SATB1: variants seen among roughly 807,000 people sequenced by gnomAD.
The protein encoded by SATB1 is DNA-binding protein SATB1.
Under a neutral mutation model 86.9 loss-of-function variants are expected in SATB1, and 11 were observed. The observed-to-expected ratio is 0.13, with a 90% confidence interval of 0.08 to 0.21. The LOEUF is 0.21. SATB1 is among the 10% of genes least tolerant of loss of function. The pLI is 1.00. For missense variants in SATB1, 551 were observed against 937.6 expected (o/e 0.59, Z 5.39); for synonymous variants, 357 against 357.2 (o/e 1.00, Z 0.01).
chr3:18,414,399 T>C (rs911113409), intron 5 of SATB1, among the ~76,000 whole-genome samples: 2 of 152,066 alleles, frequency 1.3e-5, no homozygotes, highest in Non-Finnish European at 2.9e-5. Flanking sequence ...TCTAGAGTTT[T>C]AGCTGCCCTC....
upstream of SATB1, among the ~76,000 whole-genome samples, chr3:18,440,174 G>C (rs1699199273): frequency 6.6e-6 from 1 of 152,178 alleles, no homozygotes; most frequent in African/African-American, 2.4e-5. Flanking sequence ...ATTTGAATGT[G>C]TTTGAACATA....
chr3:18,399,594 T>C (rs1015085056), intron 5 of SATB1, among the ~76,000 whole-genome samples: 8 of 152,168 alleles, frequency 5.3e-5, no homozygotes, highest in African/African-American at 1.7e-4. Flanking sequence ...ATGTGCATCA[T>C]TGTCAAAGCT....
At chr3:18,443,251 G>A (rs775554281), upstream of SATB1, among the ~76,000 whole-genome samples, 48 of 152,236 alleles carry the variant, frequency 3.2e-4, no homozygotes, top group Non-Finnish European at 4.4e-5. This position sits in a 1 kb window ranked among gnomAD's most constrained non-coding sequence, Gnocchi z 4.4. Flanking sequence ...TACCCTACCC[G>A]CCACCCCCTT....
intron 5 of SATB1, among the ~76,000 whole-genome samples, chr3:18,411,271 T>G (rs1463749386): frequency 6.6e-6 from 1 of 152,126 alleles, no homozygotes; most frequent in East Asian, 1.9e-4. Flanking sequence ...TGTGTGTGTG[T>G]GCACGTGTGC....
In SATB1 at chr3:18,347,192, G is replaced by C. The variant is rs1038535765; in HGVS notation, c.*1978C>G. On this transcript the variant is annotated 3_prime_UTR_variant, in exon 11 of 11. Transcript: ENST00000338745. ...CCTGAGAAGATGGTAGGCAGAAAGA[G>C]AAGGGGCAATTGCAAAATGGTATCT... 6.6e-6 allele frequency: 1 copy of C among 152,116 alleles called. No homozygotes were observed. The highest frequency in any genetic ancestry group is 1.5e-5 in the Non-Finnish European group (1 of 68,022). The allele number at this position is 152,116 out of a possible 1,614,324, so 9.4% of individuals were successfully genotyped here.
chr3:18,409,450 C>A (rs1260811439), intron 5 of SATB1: 1 of 151,992 alleles, frequency 6.6e-6, no homozygotes, highest in Admixed American at 6.6e-5. Flanking sequence ...GAAAAAGGAA[C>A]TAGAATGATG....
Position 18,425,216 on chromosome 3 carries a change from AC to A in SATB1, c.-1615del, listed in dbSNP as rs904901223. The A allele has an allele frequency of 6.4e-6, 1 of 156,128 alleles. No individual in the cohort carries two copies. Among genetic ancestry groups the A allele is most frequent in the African/African-American group, 2.5e-5 (1 of 40,460 alleles). 9.7% of individuals were successfully genotyped at this position (156,128 alleles called of 1,614,324 possible). ...CTCCTCCTCATTTTAATACAAAATC[AC>A]CCCGCTCGCAGCCCCAGCCCCGAGC... On this transcript the variant is annotated 5_prime_UTR_variant, in exon 1 of 11. The change abolishes the stop of an existing upstream ORF in the 5' untranslated region. Coordinates refer to ENST00000338745, the MANE Select transcript of SATB1 (RefSeq NM_002971.6).
chr3:18,432,550 C>T (rs1194059130), intron 2 of SATB1, among the ~76,000 whole-genome samples: 1 of 152,108 alleles, frequency 6.6e-6, no homozygotes, highest in Non-Finnish European at 1.5e-5. Flanking sequence ...AGGAAAGCCA[C>T]CATCAGAAAC....
Position 18,346,809 on chromosome 3 carries a change from A to C in SATB1, c.*2361T>G, listed in dbSNP as rs539950135. On this transcript the variant is annotated 3_prime_UTR_variant, in exon 11 of 11. Transcript: ENST00000338745. ...GTTATTTGCAACCCAAACTTAGGGG[A>C]TATAAGGAAGAGGAAGATAACTTCA... The C allele has an allele frequency of 8.5e-5, 13 of 152,288 alleles. No homozygotes were observed. The highest frequency in any genetic ancestry group is 2.6e-4 in the African/African-American group (11 of 41,572). The allele number at this position is 152,288 out of a possible 1,614,324, so 9.4% of individuals were successfully genotyped here.
Position 18,356,528 on chromosome 3 carries a change from T to A in SATB1, c.1576-4333A>T, listed in dbSNP as rs149914012. Among the ~76,000 whole-genome samples the A allele has an allele frequency of 7.7e-4, 117 of 151,798 alleles. 2 individuals carry two copies. In the Middle Eastern group the frequency reaches 0.038, roughly 49 times the overall value. On this transcript the variant is annotated intron_variant, in intron 9 of 10. Coordinates refer to ENST00000338745, the MANE Select transcript of SATB1 (RefSeq NM_002971.6). ...CACAATGGCAATTTATTATGGTCCA[T>A]GAAACACATGACTGTATGCTCATTT...
chr3:18,416,686 A>G (rs1264908678), intron 3 of SATB1, among the ~76,000 whole-genome samples: 1 of 152,090 alleles, frequency 6.6e-6, no homozygotes, highest in Admixed American at 6.6e-5. Context: ...CAGCTGAAGT[A>G]ATTTAAAAAA....
At chr3:18,356,819 T>A (rs2125136973) in intron 9 of SATB1, among the ~76,000 whole-genome samples, 1 of 151,948 alleles carries the variant, frequency 6.6e-6, no homozygotes, top group East Asian at 1.9e-4. Context: ...ATAAATGAAT[T>A]TATTGTACTT....
intron 1 of SATB1, among the ~76,000 whole-genome samples, chr3:18,422,658 G>A (rs150100328): frequency 3.3e-5 from 5 of 152,266 alleles, no homozygotes; most frequent in African/African-American, 4.8e-5. Flanking sequence ...TCTTTATAAC[G>A]TTTCATGTGG....
chr3:18,437,303 T>G (rs1486557787), intron 1 of SATB1, among the ~76,000 whole-genome samples: 2 of 151,696 alleles, frequency 1.3e-5, no homozygotes. Flanking sequence ...CTAATGACAC[T>G]GGAAAGAAAA....
chr3:18,393,739 G>A (rs369566258), intron 7 of SATB1, among the ~76,000 whole-genome samples: 10 of 152,238 alleles, frequency 6.6e-5, no homozygotes, highest in African/African-American at 2.4e-4. Context: ...TTCATTTATA[G>A]TCTATGGCTG....
chr3:18,375,552 T>C (rs1695700403), intron 9 of SATB1, among the ~76,000 whole-genome samples: 1 of 152,142 alleles, frequency 6.6e-6, no homozygotes, highest in Admixed American at 6.5e-5. Context: ...AAATATCTAT[T>C]TTAGAAGTGC....
upstream of SATB1, among the ~76,000 whole-genome samples, chr3:18,439,326 A>G (rs1699171190): frequency 6.6e-6 from 1 of 152,256 alleles, no homozygotes; most frequent in Non-Finnish European, 1.5e-5. Context: ...ACTTGAAAGC[A>G]TAAAAATAGG....
At chr3:18,426,139 A>G (rs1195747698), upstream of SATB1, among the ~76,000 whole-genome samples, 1 of 152,170 alleles carries the variant, frequency 6.6e-6, no homozygotes. The surrounding 1 kb of genome is among the most constrained non-coding windows in gnomAD (Gnocchi z 4.2). Context: ...AGAAACGTGT[A>G]CAGCAATAAA....
At position 18,394,410 on chromosome 3, in the gene SATB1, A is replaced by C; in HGVS notation, c.1206+52T>G. The C allele has an allele frequency of 1.3e-6, 2 of 1,488,658 alleles. No homozygotes were observed. Among genetic ancestry groups the C allele is most frequent in the East Asian group, 2.3e-5 (1 of 44,028 alleles). 92.2% of individuals were successfully genotyped at this position (1,488,658 alleles called of 1,614,324 possible). ...TAAACTTTAGTTATAGATGGGACTA[A>C]AGAAAGAGAAAATAGGAGACAGCAC... On this transcript the variant is annotated intron_variant, in intron 7 of 10. Transcript: ENST00000338745. This position sits in a 1 kb window ranked among gnomAD's most constrained non-coding sequence, Gnocchi z 5.9.
Sources: gnomAD v4.1 joint callset for allele counts (sites outside exome capture counted in the v4.1 genomes callset) on GRCh38, gnomAD v4.1.1 for gene constraint, Gnocchi (gnomAD v3.1) non-coding constraint, MANE v1.5 for transcripts, NCBI Gene and HGNC (gene_info 2026-07-23, HGNC 2026-07-21) for gene names.